RYR3: variants seen among roughly 807,000 people sequenced by gnomAD.
RYR3 encodes ryanodine receptor 3, also known as brain ryanodine receptor-calcium release channel.
Under a neutral mutation model 584.3 loss-of-function variants are expected in RYR3, and 207 were observed. The observed-to-expected ratio is 0.35, with a 90% CI of 0.32 to 0.40. The LOEUF is 0.40. Among genes scored for constraint, RYR3 ranks in the 10% least tolerant of loss-of-function variants. The pLI, the probability that RYR3 is intolerant of heterozygous loss-of-function variation, is 1.00. For missense variants in RYR3, 5,616 were observed against 6,089.2 expected (o/e 0.92, Z 2.59); for synonymous variants, 2,416 against 2,248.5 (o/e 1.07, Z -2.11).
chr15:33,710,301 GA>G (rs1566998973), intron 43 of RYR3, among the ~76,000 whole-genome samples: 1 of 151,704 alleles, frequency 6.6e-6, no homozygotes, highest in Admixed American at 6.6e-5. Flanking sequence ...AAAGCAGGAG[GA>G]AGAGAGAGAG....
In RYR3 at chr15:33,655,980, G is replaced by A. The variant is rs576023870; in HGVS notation, c.4308+3097G>A. ...TGTTTCTAGACCTCCCCATTAAATAGTGATAAACAATTTGAACACATTTTT... is the reference window on the plus strand; with the variant it reads ...TGTTTCTAGACCTCCCCATTAAATAATGATAAACAATTTGAACACATTTTT... On this transcript the variant is annotated intron_variant, in intron 32 of 103. Transcript: ENST00000634891. Among the ~76,000 whole-genome samples, 124 of 152,308 alleles carry A rather than the reference G, an allele frequency of 8.1e-4. 1 individual carries two copies. The highest frequency in any genetic ancestry group is 2.9e-3 in the African/African-American group (119 of 41,568).
intron 1 of RYR3, among the ~76,000 whole-genome samples, chr15:33,393,228 TAAATG>T (rs2042108204): frequency 6.6e-6 from 1 of 152,236 alleles, no homozygotes; most frequent in South Asian, 2.1e-4. Flanking sequence ...TGACTTGAGT[TAAATG>T]AGGAGCTGAA....
Position 33,765,651 on chromosome 15 carries a change from A to G in RYR3, c.8706-3007A>G, listed in dbSNP as rs1038036142. 3.5e-4 allele frequency among the ~76,000 whole-genome samples: 53 copies of G among 151,116 alleles called. 1 individual carries two copies. Among genetic ancestry groups the G allele is most frequent in the Middle Eastern group, 3.4e-3 (1 of 292 alleles). On this transcript the variant is annotated intron_variant, in intron 60 of 103. Coordinates refer to ENST00000634891, the MANE Select transcript of RYR3 (RefSeq NM_001036.6). ...CCGTCTCAAAAAAAAAAAAAAAAAA[A>G]AAAAGAAAATAGTCTAAATAGTCTA... is the stretch of plus-strand genomic sequence containing the variant.
intron 1 of RYR3, among the ~76,000 whole-genome samples, chr15:33,360,344 C>A (rs1410936964): frequency 2.6e-5 from 4 of 152,000 alleles, no homozygotes; most frequent in African/African-American, 9.7e-5. Context: ...TTTGTCTTTT[C>A]TAGAATTTTG....
At chr15:33,402,006 G>C (rs951825901) in intron 1 of RYR3, among the ~76,000 whole-genome samples, 1 of 152,144 alleles carries the variant, frequency 6.6e-6, no homozygotes, top group African/African-American at 2.4e-5. Context: ...GACTGAGAAA[G>C]ATGAGGTTCT....
intron 67 of RYR3, among the ~76,000 whole-genome samples, chr15:33,797,650 A>G (rs1486595734): frequency 6.6e-6 from 1 of 152,210 alleles, no homozygotes; most frequent in Non-Finnish European, 1.5e-5. Context: ...CGAAGGCAAC[A>G]AGATGAAAAT....
chr15:33,696,160 C>T, intron 38 of RYR3, 58 bp from the exon 39 acceptor site: 1 of 1,533,892 alleles, frequency 6.5e-7, no homozygotes, highest in South Asian at 1.2e-5. Context: ...GGCTGAAACA[C>T]CCAGCTCTCC....
chr15:33,481,510 T>G (rs1442245276), intron 2 of RYR3, among the ~76,000 whole-genome samples: 2 of 152,198 alleles, frequency 1.3e-5, no homozygotes, highest in Non-Finnish European at 2.9e-5. Flanking sequence ...AGACAGAGTC[T>G]TGCTCTGTCA....
chr15:33,360,372 A>C (rs1255737621), intron 1 of RYR3, among the ~76,000 whole-genome samples: 1 of 152,172 alleles, frequency 6.6e-6, no homozygotes, highest in Non-Finnish European at 1.5e-5. Flanking sequence ...GGAATCCTAC[A>C]GTATATGCTC....
intron 7 of RYR3, among the ~76,000 whole-genome samples, chr15:33,543,056 A>T (rs2055948474): frequency 6.6e-6 from 1 of 152,122 alleles, no homozygotes; most frequent in Non-Finnish European, 1.5e-5. Flanking sequence ...TCACTCAGGG[A>T]TGCTGGAGAG....
intron 43 of RYR3, among the ~76,000 whole-genome samples, chr15:33,711,309 T>G (rs113235237): frequency 0.027 from 3,896 of 142,602 alleles, 166 homozygotes; most frequent in African/African-American, 0.096. Flanking sequence ...AGTGGCATGA[T>G]CTCAGCTCAC....
At chr15:33,854,736 G>A in intron 97 of RYR3, 30 bp from the exon 98 acceptor site, 1 of 1,582,240 alleles carries the variant, frequency 6.3e-7, no homozygotes, top group East Asian at 2.2e-5. Flanking sequence ...AGGCAAACAT[G>A]CTTAAAAGTC....
intron 14 of RYR3, among the ~76,000 whole-genome samples, chr15:33,582,410 C>T (rs2058640482): frequency 6.6e-6 from 1 of 152,160 alleles, no homozygotes; most frequent in Non-Finnish European, 1.5e-5. Context: ...TATTCCCCAG[C>T]TTAGGGTTGA....
chr15:33,728,193 A>G (rs114685589), intron 46 of RYR3, among the ~76,000 whole-genome samples: 13 of 152,324 alleles, frequency 8.5e-5, no homozygotes, highest in South Asian at 6.2e-4. Context: ...CCATTTCTGT[A>G]GTATAAACTT....
intron 43 of RYR3, among the ~76,000 whole-genome samples, chr15:33,710,276 G>A (rs972388287): frequency 6.6e-6 from 1 of 151,860 alleles, no homozygotes; most frequent in Non-Finnish European, 1.5e-5. Flanking sequence ...AATGGACTAG[G>A]CATGTCACAT....
Position 33,415,386 on chromosome 15 carries a change from T to C in RYR3, c.52-58033T>C, listed in dbSNP as rs75616828. Reference sequence around the variant, plus strand: ...TCAGATATTTCCATATTTTCCCTTTTCTCTTTCATTTAATAATTTGCATGA... The same window carrying C: ...TCAGATATTTCCATATTTTCCCTTTCCTCTTTCATTTAATAATTTGCATGA... On this transcript the variant is annotated intron_variant, in intron 1 of 103. Transcript: ENST00000634891. Among the ~76,000 whole-genome samples the C allele has an allele frequency of 2.4e-3, 361 of 152,244 alleles. 1 individual carries two copies. The highest frequency in any genetic ancestry group is 3.6e-3 in the Non-Finnish European group (248 of 68,008).
chr15:33,459,375 G>A (rs997143265), intron 1 of RYR3, among the ~76,000 whole-genome samples: 1 of 152,132 alleles, frequency 6.6e-6, no homozygotes, highest in East Asian at 1.9e-4. Flanking sequence ...CTGGGGTAGA[G>A]CTGAGACTTA....
At chr15:33,739,529 G>A (rs369319485) in intron 50 of RYR3, among the ~76,000 whole-genome samples, 1 of 151,910 alleles carries the variant, frequency 6.6e-6, no homozygotes, top group South Asian at 2.1e-4. Flanking sequence ...CTGGCCTAGC[G>A]CCTAGTCACT....
In RYR3 at chr15:33,503,749, G is replaced by A. The variant is rs3751634; in HGVS notation, c.279+11G>A. 0.077 allele frequency: 119,678 copies of A among 1,562,200 alleles called. 5,554 individuals carry two copies. Among genetic ancestry groups the A allele is most frequent in the East Asian group, 0.22 (9,828 of 44,298 alleles). Reference sequence around the variant, plus strand: ...AATGGCGGCGAAGGGGTGAGTACCCGAATTGTGTCCTAGGTTGGGATTGGG... The same window carrying A: ...AATGGCGGCGAAGGGGTGAGTACCCAAATTGTGTCCTAGGTTGGGATTGGG... On this transcript the variant is annotated intron_variant, in intron 3 of 103. Coordinates refer to ENST00000634891, the MANE Select transcript of RYR3 (RefSeq NM_001036.6).
Sources: allele counts gnomAD v4.1 joint callset (sites outside exome capture counted in the v4.1 genomes callset), GRCh38; gene constraint gnomAD v4.1.1; transcripts MANE v1.5; gene names NCBI Gene and HGNC (gene_info 2026-07-23, HGNC 2026-07-21).